Variants in TTLL5 observed in about 807,000 individuals in gnomAD.
TTLL5 encodes the protein tubulin polyglutamylase TTLL5.
Under a neutral mutation model 168.4 loss-of-function variants are expected in TTLL5, and 132 were observed. The observed-to-expected ratio is 0.78, with a 90% confidence interval of 0.68 to 0.91. TTLL5 has a LOEUF of 0.91. Ranked by LOEUF, TTLL5 falls within the 40% of genes least tolerant of loss-of-function variation. TTLL5 has a pLI of 0.00. For synonymous variants in TTLL5, 546 were observed against 558.6 expected, an observed-to-expected ratio of 0.98 and a Z score of 0.32; for missense variants, 1,545 against 1,581.5, an observed-to-expected ratio of 0.98 and a Z score of 0.39.
chr14:75,789,377 A>G (rs908696659), intron 26 of TTLL5, among the ~76,000 whole-genome samples: 2 of 152,238 alleles, frequency 1.3e-5, no homozygotes, highest in Non-Finnish European at 2.9e-5. Flanking sequence ...TATTGTCTAC[A>G]TAGAAAACAA....
intron 30 of TTLL5, among the ~76,000 whole-genome samples, chr14:75,899,254 T>TA (rs1237122304): frequency 6.6e-6 from 1 of 152,188 alleles, no homozygotes. Flanking sequence ...AGGGAACACA[T>TA]ACATACCTCC....
intron 6 of TTLL5, among the ~76,000 whole-genome samples, chr14:75,693,566 C>G (rs1885610968): frequency 6.6e-6 from 1 of 152,194 alleles, no homozygotes; most frequent in African/African-American, 2.4e-5. Context: ...AGGCTCCTGC[C>G]ATCACTGCCA....
At chr14:75,819,161 C>T (rs569312503) in intron 27 of TTLL5, among the ~76,000 whole-genome samples, 6 of 152,312 alleles carry the variant, frequency 3.9e-5, no homozygotes, top group African/African-American at 1.4e-4. Context: ...ATATTGACTG[C>T]TATTATGATA....
chr14:75,783,636 A>G (rs142351598), intron 26 of TTLL5, 106 bp downstream of exon 26: 24,877 of 1,428,366 alleles, frequency 0.017, 255 homozygotes, highest in South Asian at 0.029. Context: ...TTTGAAATGG[A>G]AATGGACACA....
rs115509249 is a variant in TTLL5 at position 75,878,596 on chromosome 14, G to A, written c.3523-4089G>A. On this transcript the variant is annotated intron_variant, in intron 29 of 31. Coordinates refer to ENST00000298832, the MANE Select transcript of TTLL5 (RefSeq NM_015072.5). The stretch of plus-strand genomic sequence containing the variant: ...CTAGGTAAAAGAGAGGTTTAGAAAT[G>A]TATTTTCTTTAGCTGGGCAAACATT... 8.4e-3 allele frequency among the ~76,000 whole-genome samples: 1,277 copies of A among 152,322 alleles called. 18 individuals carry two copies. Among genetic ancestry groups the A allele is most frequent in the African/African-American group, 0.029 (1,203 of 41,582 alleles).
At chr14:75,914,845 G>A (rs371704962) in intron 31 of TTLL5, among the ~76,000 whole-genome samples, 13 of 152,034 alleles carry the variant, frequency 8.6e-5, no homozygotes, top group African/African-American at 2.4e-4. Flanking sequence ...GGATGGTCTC[G>A]ATCTCCTGAC....
intron 17 of TTLL5, among the ~76,000 whole-genome samples, chr14:75,752,033 C>CT (rs1349445935): frequency 6.6e-6 from 1 of 152,146 alleles, no homozygotes; most frequent in East Asian, 1.9e-4. Flanking sequence ...CATTTGTAAA[C>CT]TGTCGTGGTG....
chr14:75,683,775 A>AT (rs2041802287), intron 5 of TTLL5, 119 bp downstream of exon 5: 8 of 621,722 alleles, frequency 1.3e-5, no homozygotes, highest in Admixed American at 7.1e-5. Context: ...AAGAAGAAGG[A>AT]CTTTTTTTTT....
chr14:75,752,902 C>T lies in TTLL5; in HGVS notation c.1497C>T (p.Leu499=), dbSNP rs778083827. The T allele has an allele frequency of 3.6e-5, 58 of 1,613,268 alleles. No homozygotes were observed. In the East Asian group the frequency reaches 4.5e-4, roughly 12 times the overall value. ...TTTCTTTGCTTTTCAGGTCCTACCT[C>T]GAGCATAAGACCTCAATGAACTATA... The part of the protein sequence containing the change: ...SETWEIYGSY[L]EHKTSMNYML... The change falls in exon 18 of 32, where the codon CTC becomes CTT. Residue 499 remains leucine, a synonymous_variant. Transcript: ENST00000298832.
intron 17 of TTLL5, among the ~76,000 whole-genome samples, chr14:75,747,061 A>G (rs997214550): frequency 6.6e-6 from 1 of 151,704 alleles, no homozygotes; most frequent in Admixed American, 6.6e-5. Flanking sequence ...CTCTGGTTAC[A>G]TGTTAACTTA....
intron 27 of TTLL5, among the ~76,000 whole-genome samples, chr14:75,806,365 A>G (rs914813512): frequency 4.6e-5 from 7 of 152,046 alleles, no homozygotes; most frequent in Admixed American, 1.3e-4. Context: ...AAGTCTCATC[A>G]TGGTACTCTT....
rs1415590616 is a variant in TTLL5 at position 75,746,552 on chromosome 14, CT to C, written c.1487+975del. Among the ~76,000 whole-genome samples, 3 of 110,296 alleles carry C rather than the reference CT, an allele frequency of 2.7e-5. No individual in the cohort carries two copies. In the East Asian group the frequency reaches 9.2e-4, roughly 34 times the overall value. The allele number at this position is 110,296 out of a possible 152,430, so 72.4% of individuals were successfully genotyped here. ...CTCTTTATAACTGATTTCCTCTTTT[CT>C]TTTCTTTTTTTTTTTTTTTTGGAGA... On this transcript the variant is annotated intron_variant, in intron 17 of 31. Transcript: ENST00000298832.
At chr14:75,836,520 A>G (rs1895877531) in intron 28 of TTLL5, among the ~76,000 whole-genome samples, 1 of 152,156 alleles carries the variant, frequency 6.6e-6, no homozygotes, top group African/African-American at 2.4e-5. Context: ...AAATAATTTA[A>G]TTATACATTT....
intron 28 of TTLL5, among the ~76,000 whole-genome samples, chr14:75,839,979 A>G (rs1896133026): frequency 1.3e-5 from 2 of 152,236 alleles, no homozygotes; most frequent in South Asian, 4.1e-4. Flanking sequence ...CAACAGATAT[A>G]TGATTTGTCA....
chr14:75,858,984 C>T (rs1466848140), intron 28 of TTLL5, among the ~76,000 whole-genome samples: 1 of 152,182 alleles, frequency 6.6e-6, no homozygotes, highest in East Asian at 1.9e-4. Context: ...ATCATTGTGA[C>T]AATTGAAAGC....
intron 28 of TTLL5, among the ~76,000 whole-genome samples, chr14:75,859,827 C>T (rs375428243): frequency 3.8e-4 from 58 of 152,288 alleles, no homozygotes; most frequent in African/African-American, 1.3e-3. Flanking sequence ...ACCTGGCCTC[C>T]GCTGTGTCAA....
At chr14:75,797,728 G>A (rs971662155) in intron 27 of TTLL5, among the ~76,000 whole-genome samples, 12 of 152,120 alleles carry the variant, frequency 7.9e-5, no homozygotes, top group South Asian at 4.1e-4. Context: ...ATTGACTTGC[G>A]TATGTTAAAC....
At chr14:75,862,461 C>T (rs1056042849) in intron 28 of TTLL5, among the ~76,000 whole-genome samples, 1 of 152,164 alleles carries the variant, frequency 6.6e-6, no homozygotes, top group Non-Finnish European at 1.5e-5. Context: ...CACAAGGGTT[C>T]CAGTTTTTCC....
chr14:75,935,988 G>A (rs554166205), intron 31 of TTLL5, among the ~76,000 whole-genome samples: 4 of 152,222 alleles, frequency 2.6e-5, no homozygotes, highest in East Asian at 1.9e-4. Context: ...TTAAGTTATG[G>A]CATATAGCCC....
Sources: allele counts gnomAD v4.1 joint callset (sites outside exome capture counted in the v4.1 genomes callset), GRCh38; gene constraint gnomAD v4.1.1; transcripts MANE v1.5; gene names NCBI Gene and HGNC (gene_info 2026-07-23, HGNC 2026-07-21).